Variants in DNM3 observed in about 807,000 individuals in gnomAD.
DNM3 encodes dynamin 3, also known as dynamin-3.
A neutral mutation model predicts 101.6 loss-of-function variants in DNM3; 47 were observed. The observed-to-expected ratio is 0.46, with a 90% CI of 0.37 to 0.59. The LOEUF (loss-of-function observed/expected upper bound fraction) is 0.59. Ranked by LOEUF, DNM3 falls within the 20% of genes least tolerant of loss-of-function variation. The probability of loss-of-function intolerance (pLI) is 0.00; values close to 1 mark genes in which losing one functional copy is unlikely to be tolerated. For missense variants in DNM3, 849 were observed against 1,085.7 expected, an observed-to-expected ratio of 0.78 and a Z score of 3.06; for synonymous variants, 385 against 387.9, an observed-to-expected ratio of 0.99 and a Z score of 0.09.
At chr1:172,371,155 C>T (rs1456154296) in intron 17 of DNM3, among the ~76,000 whole-genome samples, 1 of 151,968 alleles carries the variant, frequency 6.6e-6, no homozygotes, top group African/African-American at 2.4e-5. Context: ...TCCTTAAATA[C>T]CTGCTATTTT....
At chr1:172,387,080 C>T in intron 18 of DNM3, 53 bp from the exon 19 acceptor site, 1 of 1,459,034 alleles carries the variant, frequency 6.9e-7, no homozygotes, top group Non-Finnish European at 9.6e-7. Flanking sequence ...GTTTCTACCT[C>T]CACTCAGTCA....
chr1:172,117,205 CAAAA>C (rs879796172), intron 13 of DNM3, among the ~76,000 whole-genome samples: 2 of 129,098 alleles, frequency 1.5e-5, no homozygotes, highest in Admixed American at 7.8e-5. Context: ...AACTCCATCT[CAAAA>C]AAAAAAAAAA....
intron 4 of DNM3, among the ~76,000 whole-genome samples, chr1:171,990,870 A>C (rs2045587722): frequency 6.6e-6 from 1 of 152,124 alleles, no homozygotes; most frequent in African/African-American, 2.4e-5. Flanking sequence ...GACCATCACC[A>C]GGACTCCCTT....
chr1:172,326,790 G>C (rs914830974), intron 17 of DNM3, among the ~76,000 whole-genome samples: 1 of 152,026 alleles, frequency 6.6e-6, no homozygotes, highest in Non-Finnish European at 1.5e-5. Context: ...TGTTGGTATA[G>C]ATACACAAAT....
intron 4 of DNM3, among the ~76,000 whole-genome samples, chr1:172,009,138 T>TTA (rs555614374): frequency 1.4e-5 from 2 of 139,236 alleles, no homozygotes; most frequent in African/African-American, 2.7e-5. Flanking sequence ...TATATTTATA[T>TTA]TATATATATT....
At chr1:172,165,849 AT>A (rs1255012030) in intron 14 of DNM3, among the ~76,000 whole-genome samples, 2 of 152,020 alleles carry the variant, frequency 1.3e-5, no homozygotes, top group African/African-American at 4.8e-5. Flanking sequence ...GACCTTATAT[AT>A]TTTTTTGAAT....
chr1:172,059,107 A>G (rs1435632994), intron 10 of DNM3, among the ~76,000 whole-genome samples: 3 of 151,766 alleles, frequency 2.0e-5, no homozygotes, highest in Admixed American at 6.6e-5. Context: ...GAAATGGATA[A>G]ATTCCTTGAC....
At chr1:171,873,729 G>A (rs1210946645) in intron 1 of DNM3, among the ~76,000 whole-genome samples, 1 of 152,120 alleles carries the variant, frequency 6.6e-6, no homozygotes, top group African/African-American at 2.4e-5. Flanking sequence ...TAAACCATAC[G>A]AAAAACTGTA....
At chr1:171,991,118 A>G (rs1045034940) in intron 4 of DNM3, among the ~76,000 whole-genome samples, 2 of 152,132 alleles carry the variant, frequency 1.3e-5, no homozygotes, top group Non-Finnish European at 2.9e-5. Context: ...AGCTTCTCCT[A>G]CTATATTCTC....
chr1:171,935,089 C>T (rs1425104331), intron 2 of DNM3, among the ~76,000 whole-genome samples: 1 of 151,840 alleles, frequency 6.6e-6, no homozygotes, highest in African/African-American at 2.4e-5. Context: ...ACTCCTACGG[C>T]TTGCTTTTAT....
At chr1:171,988,348 A>G (rs748259172) in intron 3 of DNM3, among the ~76,000 whole-genome samples, 25 of 152,224 alleles carry the variant, frequency 1.6e-4, no homozygotes, top group Non-Finnish European at 3.2e-4. Context: ...TTGCTTTTAA[A>G]ACAGAATATA....
At chr1:172,312,237 A>G (rs2065113286) in intron 16 of DNM3, among the ~76,000 whole-genome samples, 1 of 152,212 alleles carries the variant, frequency 6.6e-6, no homozygotes, top group Non-Finnish European at 1.5e-5. Flanking sequence ...TCATGTCAAT[A>G]AACCATTGAG....
intron 2 of DNM3, among the ~76,000 whole-genome samples, chr1:171,927,640 T>TA (rs2040685345): frequency 6.6e-6 from 1 of 152,102 alleles, no homozygotes; most frequent in Non-Finnish European, 1.5e-5. Flanking sequence ...AGATTAGATT[T>TA]AAAAAAATAT....
At chr1:172,061,640 T>C (rs1388046121) in intron 10 of DNM3, among the ~76,000 whole-genome samples, 2 of 144,326 alleles carry the variant, frequency 1.4e-5, no homozygotes, top group Non-Finnish European at 3.0e-5. Flanking sequence ...TAGGTGGGAA[T>C]TGAACAATGA....
Position 172,080,279 on chromosome 1 carries a change from C to G in DNM3, c.1423-1553C>G, listed in dbSNP as rs527663264. On this transcript the variant is annotated intron_variant, in intron 11 of 20. Coordinates refer to ENST00000627582, the MANE Select transcript of DNM3 (RefSeq NM_015569.5). ...GGAAGATGGGAGTTTTATCTATAAG[C>G]CCCTGACTGGGGCTGCTGCCTTTCT... 2.0e-5 allele frequency among the ~76,000 whole-genome samples: 3 copies of G among 152,166 alleles called. No individual in the cohort carries two copies. In the South Asian group the frequency reaches 6.2e-4, roughly 32 times the overall value.
intron 16 of DNM3, among the ~76,000 whole-genome samples, chr1:172,315,097 C>G (rs907680088): frequency 1.3e-5 from 2 of 152,236 alleles, no homozygotes; most frequent in Admixed American, 6.5e-5. Context: ...ATCCACGGTT[C>G]TGCAGACACC....
intron 16 of DNM3, among the ~76,000 whole-genome samples, chr1:172,315,256 A>G (rs545453021): frequency 5.8e-4 from 89 of 152,302 alleles, no homozygotes; most frequent in Non-Finnish European, 9.1e-4. Flanking sequence ...ACCATCATCA[A>G]AGACCAAAAG....
intron 15 of DNM3, among the ~76,000 whole-genome samples, chr1:172,295,740 A>G (rs1281172554): frequency 1.3e-5 from 2 of 152,196 alleles, no homozygotes; most frequent in Non-Finnish European, 2.9e-5. Flanking sequence ...ATGGCAAGAT[A>G]TAAACATGAT....
chr1:172,284,860 G>A (rs943527458), intron 15 of DNM3, among the ~76,000 whole-genome samples: 3 of 152,126 alleles, frequency 2.0e-5, no homozygotes, highest in African/African-American at 7.2e-5. Flanking sequence ...AAATAGAAGG[G>A]AGTTATGGTT....
Sources: gnomAD v4.1 joint callset for allele counts (sites outside exome capture counted in the v4.1 genomes callset) on GRCh38, gnomAD v4.1.1 for gene constraint, MANE v1.5 for transcripts, NCBI Gene and HGNC (gene_info 2026-07-23, HGNC 2026-07-21) for gene names.